KLF17: variants seen among roughly 807,000 people sequenced by gnomAD.
The protein encoded by KLF17 is KLF transcription factor 17, also known as Krueppel-like factor 17.
A neutral mutation model predicts 34.2 loss-of-function variants in KLF17; 31 were observed. The observed-to-expected ratio is 0.91, with a 90% confidence interval of 0.68 to 1.22. The LOEUF (loss-of-function observed/expected upper bound fraction) is 1.22, where lower values mean the gene tolerates loss of function less well. KLF17 is among the 50% of genes most tolerant of loss of function. The probability of loss-of-function intolerance (pLI) is 0.00; values close to 1 mark genes in which losing one functional copy is unlikely to be tolerated. For missense variants in KLF17, 478 were observed against 505.2 expected (o/e 0.95, Z 0.52); for synonymous variants, 179 against 186.7 (o/e 0.96, Z 0.34).
chr1:44,097,823 A>G, the KLF17 span, among the ~76,000 whole-genome samples: 1 of 152,180 alleles, frequency 6.6e-6, no homozygotes. Context: ...TTTTTAACAT[A>G]AAAGGATGTT....
the KLF17 span, among the ~76,000 whole-genome samples, chr1:44,055,254 C>A: frequency 6.6e-6 from 1 of 152,142 alleles, no homozygotes; most frequent in African/African-American, 2.4e-5. Context: ...TCTTTGGTAA[C>A]CCTGGACACG....
chr1:44,091,788 G>A, the KLF17 span, among the ~76,000 whole-genome samples: 4 of 150,994 alleles, frequency 2.6e-5, no homozygotes, highest in East Asian at 1.9e-4. Context: ...GGACCTTAAC[G>A]GTTCTTGAAT....
the KLF17 span, among the ~76,000 whole-genome samples, chr1:44,101,290 C>G: frequency 1.3e-5 from 2 of 152,098 alleles, no homozygotes; most frequent in Non-Finnish European, 2.9e-5. Flanking sequence ...GAAACTAATG[C>G]TGATATTTAT....
intron 3 of KLF17, 108 bp downstream of exon 3, chr1:44,130,864 C>A (rs1189568428): frequency 4.8e-6 from 5 of 1,048,282 alleles, no homozygotes; most frequent in East Asian, 5.1e-5. Context: ...TGGCGCAATT[C>A]GGTTCACTGC....
chr1:44,104,829 C>T, the KLF17 span: 461 of 168,910 alleles, frequency 2.7e-3, 5 homozygotes, highest in African/African-American at 0.01. Flanking sequence ...AACTACAGCA[C>T]TATGAATCTT....
At chr1:44,085,807 CAA>C in the KLF17 span, among the ~76,000 whole-genome samples, 2,126 of 63,318 alleles carry the variant, frequency 0.034, 2 homozygotes, top group Admixed American at 0.064. Flanking sequence ...TCTGTCTCAA[CAA>C]AAAAAAAAAA....
At chr1:44,058,359 C>T in the KLF17 span, among the ~76,000 whole-genome samples, 4 of 152,174 alleles carry the variant, frequency 2.6e-5, no homozygotes, top group South Asian at 2.1e-4. Flanking sequence ...GGCACGATCT[C>T]GGCTCACTGA....
At chr1:44,079,348 T>G in the KLF17 span, among the ~76,000 whole-genome samples, 4 of 151,444 alleles carry the variant, frequency 2.6e-5, no homozygotes, top group Non-Finnish European at 4.4e-5. Context: ...TTGCCCAGGT[T>G]GGAGTGTGTT....
At chr1:44,051,662 G>A in the KLF17 span, 1 of 152,162 alleles carries the variant, frequency 6.6e-6, no homozygotes, top group Non-Finnish European at 1.5e-5. Context: ...CCATTGTATT[G>A]CTCCACCAGT....
chr1:44,066,763 C>A, the KLF17 span, among the ~76,000 whole-genome samples: 1 of 152,066 alleles, frequency 6.6e-6, no homozygotes, highest in Non-Finnish European at 1.5e-5. Context: ...AATAAAAGAA[C>A]CATTCAAATG....
chr1:44,094,434 A>G, the KLF17 span, among the ~76,000 whole-genome samples: 1 of 152,086 alleles, frequency 6.6e-6, no homozygotes, highest in African/African-American at 2.4e-5. Context: ...AGTGTCCTAG[A>G]GAGTTTCTCC....
chr1:44,086,005 C>T, the KLF17 span, among the ~76,000 whole-genome samples: 25 of 152,084 alleles, frequency 1.6e-4, no homozygotes, highest in African/African-American at 6.0e-4. Context: ...AGAGAGTGAC[C>T]AACTCTGTCA....
At chr1:44,084,188 G>C in the KLF17 span, among the ~76,000 whole-genome samples, 1 of 152,162 alleles carries the variant, frequency 6.6e-6, no homozygotes, top group Non-Finnish European at 1.5e-5. Context: ...CATTTTGGTC[G>C]ATACATTTTA....
the KLF17 span, among the ~76,000 whole-genome samples, chr1:44,090,306 C>CAAAAAAA: frequency 0.029 from 673 of 23,412 alleles, 223 homozygotes; most frequent in South Asian, 0.12. Flanking sequence ...CTTGTCTCTA[C>CAAAAAAA]AAAAAAAAAA....
At chr1:44,065,484 ATTG>A in the KLF17 span, among the ~76,000 whole-genome samples, 1 of 136,802 alleles carries the variant, frequency 7.3e-6, no homozygotes, top group African/African-American at 2.8e-5. Flanking sequence ...ATGTAGGCTC[ATTG>A]CAACCTCTGC....
intron 2 of KLF17, 120 bp from the exon 3 acceptor site, chr1:44,130,392 C>A (rs1416717908): frequency 4.9e-6 from 7 of 1,432,926 alleles, no homozygotes; most frequent in Non-Finnish European, 6.8e-6. Flanking sequence ...TTGTGTTGCC[C>A]CTCCCTGGTT....
the KLF17 span, among the ~76,000 whole-genome samples, chr1:44,111,165 T>C: frequency 1.4e-5 from 2 of 147,054 alleles, no homozygotes; most frequent in Non-Finnish European, 3.0e-5. Context: ...ATATATTCTT[T>C]AATGCTTTGT....
the KLF17 span, chr1:44,052,024 G>T: frequency 6.6e-6 from 1 of 152,292 alleles, no homozygotes; most frequent in South Asian, 2.1e-4. Flanking sequence ...AAAGGCATTA[G>T]AAGTGTCCAA....
At chr1:44,089,087 CAAG>C in the KLF17 span, among the ~76,000 whole-genome samples, 2 of 152,118 alleles carry the variant, frequency 1.3e-5, no homozygotes, top group Non-Finnish European at 2.9e-5. Flanking sequence ...GTTAAATCTT[CAAG>C]AAGGAGGGAG....
Sources: gnomAD v4.1 joint callset for allele counts (sites outside exome capture counted in the v4.1 genomes callset) on GRCh38, gnomAD v4.1.1 for gene constraint, MANE v1.5 for transcripts, NCBI Gene and HGNC (gene_info 2026-07-23, HGNC 2026-07-21) for gene names.